Variants in QTMAN observed in about 807,000 individuals in gnomAD.
QTMAN encodes queuosine-tRNA mannosyltransferase, also known as tRNA-queuosine alpha-mannosyltransferase.
At chr2:143,953,830 G>T in the QTMAN span, among the ~76,000 whole-genome samples, 1 of 151,792 alleles carries the variant, frequency 6.6e-6, no homozygotes, top group Non-Finnish European at 1.5e-5. Flanking sequence ...TTCAACCCAA[G>T]AGTACTCTGA....
At chr2:144,259,807 T>C in the QTMAN span, among the ~76,000 whole-genome samples, 1 of 151,690 alleles carries the variant, frequency 6.6e-6, no homozygotes, top group South Asian at 2.1e-4. Flanking sequence ...GAGCATTGGT[T>C]CCCCAGACTG....
chr2:144,083,381 C>T, the QTMAN span, among the ~76,000 whole-genome samples: 5 of 152,200 alleles, frequency 3.3e-5, no homozygotes, highest in Admixed American at 2.0e-4. Context: ...ACTCTCCAGA[C>T]CTCCTCATCC....
the QTMAN span, among the ~76,000 whole-genome samples, chr2:144,063,072 G>A: frequency 6.6e-6 from 1 of 152,132 alleles, no homozygotes; most frequent in Non-Finnish European, 1.5e-5. Flanking sequence ...AGGTCTATGG[G>A]AAAAAACTCT....
At chr2:144,005,125 C>T in the QTMAN span, among the ~76,000 whole-genome samples, 6 of 151,950 alleles carry the variant, frequency 3.9e-5, no homozygotes, top group South Asian at 6.2e-4. Flanking sequence ...CGGGTTGATG[C>T]TTTCTGTCAT....
the QTMAN span, among the ~76,000 whole-genome samples, chr2:144,152,536 G>A: frequency 6.6e-6 from 1 of 152,112 alleles, no homozygotes; most frequent in South Asian, 2.1e-4. Flanking sequence ...GAGAGGGTGA[G>A]CCTACTATTT....
chr2:144,011,876 G>GA, the QTMAN span: 1 of 255,544 alleles, frequency 3.9e-6, no homozygotes, highest in Non-Finnish European at 6.1e-6. Flanking sequence ...AGGGTCAGAA[G>GA]AAAAACAGTA....
chr2:144,202,250 A>G, the QTMAN span, among the ~76,000 whole-genome samples: 2 of 152,228 alleles, frequency 1.3e-5, no homozygotes, highest in African/African-American at 4.8e-5. Context: ...AGGGCAACAG[A>G]GTATCTGCAT....
At chr2:144,233,143 T>C in the QTMAN span, among the ~76,000 whole-genome samples, 5 of 152,134 alleles carry the variant, frequency 3.3e-5, no homozygotes, top group African/African-American at 7.2e-5. Context: ...AAGAGATACC[T>C]TGGCATAAAA....
At chr2:144,246,486 T>C in the QTMAN span, among the ~76,000 whole-genome samples, 1 of 140,408 alleles carries the variant, frequency 7.1e-6, no homozygotes, top group Non-Finnish European at 1.5e-5. Flanking sequence ...GGCAGGAGAA[T>C]GGCGTGAACC....
At chr2:144,132,658 T>A in the QTMAN span, among the ~76,000 whole-genome samples, 1 of 152,038 alleles carries the variant, frequency 6.6e-6, no homozygotes, top group East Asian at 1.9e-4. Context: ...ACAGTCTCTA[T>A]CTTTTTATTT....
chr2:144,139,583 A>G, the QTMAN span, among the ~76,000 whole-genome samples: 2 of 152,036 alleles, frequency 1.3e-5, no homozygotes, highest in East Asian at 1.9e-4. Flanking sequence ...GAGCTTTCCC[A>G]TCCCAAAATA....
chr2:144,247,767 G>C, the QTMAN span, among the ~76,000 whole-genome samples: 20 of 152,014 alleles, frequency 1.3e-4, no homozygotes, highest in Non-Finnish European at 2.9e-4. Context: ...TTGACTTCCC[G>C]GGCTCAGGAG....
the QTMAN span, among the ~76,000 whole-genome samples, chr2:144,015,054 C>T: frequency 1.2e-4 from 19 of 152,134 alleles, no homozygotes; most frequent in African/African-American, 4.6e-4. Context: ...AGCAGTTTGT[C>T]TTATTCAATT....
chr2:144,100,035 T>C, the QTMAN span, among the ~76,000 whole-genome samples: 1 of 151,986 alleles, frequency 6.6e-6, no homozygotes, highest in African/African-American at 2.4e-5. Flanking sequence ...GGAATGCGAG[T>C]TTAACATATT....
chr2:144,204,469 TG>T, the QTMAN span, among the ~76,000 whole-genome samples: 1 of 152,122 alleles, frequency 6.6e-6, no homozygotes, highest in Non-Finnish European at 1.5e-5. Flanking sequence ...GTTAGAATGA[TG>T]ATCATTAAAA....
At chr2:144,250,574 C>T in the QTMAN span, among the ~76,000 whole-genome samples, 50 of 152,096 alleles carry the variant, frequency 3.3e-4, no homozygotes, top group African/African-American at 1.2e-3. Flanking sequence ...AAATTTGTTA[C>T]GTTTCTGACA....
At chr2:144,150,811 A>G in the QTMAN span, among the ~76,000 whole-genome samples, 1 of 152,190 alleles carries the variant, frequency 6.6e-6, no homozygotes, top group Non-Finnish European at 1.5e-5. Context: ...AAATACAAAT[A>G]AAGTGAATAT....
the QTMAN span, among the ~76,000 whole-genome samples, chr2:144,030,548 T>C: frequency 6.6e-6 from 1 of 152,198 alleles, no homozygotes; most frequent in East Asian, 1.9e-4. Flanking sequence ...CTGCCTAGCT[T>C]GGGCCTACTC....
At chr2:144,269,884 A>G in the QTMAN span, among the ~76,000 whole-genome samples, 1 of 152,036 alleles carries the variant, frequency 6.6e-6, no homozygotes, top group Admixed American at 6.5e-5. Flanking sequence ...ATCATAAAAT[A>G]TAACAGCATA....
Sources: allele counts gnomAD v4.1 joint callset (sites outside exome capture counted in the v4.1 genomes callset), GRCh38; gene constraint gnomAD v4.1.1; transcripts MANE v1.5; gene names NCBI Gene and HGNC (gene_info 2026-07-23, HGNC 2026-07-21).